Variants in TPM3 observed in about 807,000 individuals in gnomAD.
The protein encoded by TPM3 is tropomyosin alpha-3 chain.
A neutral mutation model predicts 43.1 loss-of-function variants in TPM3; 16 were observed. The observed-to-expected ratio is 0.37, with a 90% CI of 0.25 to 0.56. The LOEUF is 0.56. Ranked by LOEUF, TPM3 falls within the 20% of genes least tolerant of loss-of-function variation. The pLI is 0.77. For synonymous variants in TPM3, 101 were observed against 116.9 expected, an observed-to-expected ratio of 0.86 and a Z score of 0.88; for missense variants, 176 against 337.2, an observed-to-expected ratio of 0.52 and a Z score of 3.74.
chr1:154,191,644 T>A lies in TPM3; in HGVS notation c.117+258A>T, dbSNP rs999507081. On this transcript the variant is annotated intron_variant, in intron 1 of 9. Transcript: ENST00000651641. ...GAACTCTTACCTTTTCCTCTAGAAGTCAAGGGTTCTTCCAAAACATGGTCC... is the reference window on the plus strand; with the variant it reads ...GAACTCTTACCTTTTCCTCTAGAAGACAAGGGTTCTTCCAAAACATGGTCC... 5 of 1,422,378 alleles carry A rather than the reference T, an allele frequency of 3.5e-6. No individual in the cohort carries two copies. In the Admixed American group the frequency reaches 1.4e-4, roughly 40 times the overall value. The allele number at this position is 1,422,378 out of a possible 1,614,324, so 88.1% of individuals were successfully genotyped here.
chr1:154,176,257 G>C lies in TPM3; in HGVS notation c.244-9C>G. 2.5e-6 allele frequency: 4 copies of C among 1,614,054 alleles called. No homozygotes were observed. Among genetic ancestry groups the C allele is most frequent in the Non-Finnish European group, 3.4e-6 (4 of 1,179,978 alleles). ...GCCACCTCAGCCTCAGCCTGCATTT[G>C]AAGGAAAGAATGGACAAGGGAAGCA... On this transcript the variant is annotated splice_polypyrimidine_tract_variant and intron_variant, in intron 2 of 9. Coordinates refer to ENST00000651641, the MANE Select transcript of TPM3 (RefSeq NM_152263.4).
chr1:154,192,023 A>G lies in TPM3; in HGVS notation c.-5T>C. ...TTTCTTGATGGCCTCCATCATGAGC[A>G]GTGGCTGTTGGTAGGCTCACCTGTG... On this transcript the variant is annotated 5_prime_UTR_variant, in exon 1 of 10. Coordinates refer to ENST00000651641, the MANE Select transcript of TPM3 (RefSeq NM_152263.4). 1 of 1,612,186 alleles carries G rather than the reference A, an allele frequency of 6.2e-7. No homozygotes were observed. The highest frequency in any genetic ancestry group is 8.5e-7 in the Non-Finnish European group (1 of 1,178,804).
chr1:154,191,836 GA>G, intron 1 of TPM3, 65 bp downstream of exon 1: 1 of 1,592,560 alleles, frequency 6.3e-7, no homozygotes, highest in Non-Finnish European at 8.6e-7. Flanking sequence ...TCTTTCCCAT[GA>G]AAACTCCCTT....
At chr1:154,191,077 A>T in intron 2 of TPM3, 109 bp downstream of exon 2, 1 of 1,543,892 alleles carries the variant, frequency 6.5e-7, no homozygotes. Flanking sequence ...ATGTGAGTAT[A>T]TATGTCTGTG....
downstream of TPM3, chr1:154,155,463 G>A (rs180733766): frequency 1.6e-5 from 4 of 243,048 alleles, no homozygotes; most frequent in African/African-American, 8.8e-5. Context: ...TGCAGTCTCT[G>A]GGATAAACAG....
downstream of TPM3, chr1:154,157,830 GC>G (rs1413952922): frequency 4.0e-6 from 3 of 757,062 alleles, no homozygotes; most frequent in African/African-American, 5.1e-5. Flanking sequence ...TGATAAAGCA[GC>G]TGCCTTCTCA....
chr1:154,169,384 C>G lies in TPM3; in HGVS notation c.776-1G>C, dbSNP rs1661334198. ...TTCAGTTTCTGGGCATAGAGCTCAT[C>G]TGGACAGGCACAGGAACCACAGGGA... On this transcript the variant is annotated splice_acceptor_variant, in intron 8 of 9. Coordinates refer to ENST00000651641, the MANE Select transcript of TPM3 (RefSeq NM_152263.4). LOFTEE classifies it high-confidence loss of function. The G allele has an allele frequency of 6.2e-7, 1 of 1,614,100 alleles. No homozygotes were observed. Among genetic ancestry groups the G allele is most frequent in the Admixed American group, 1.7e-5 (1 of 60,012 alleles).
intron 2 of TPM3, among the ~76,000 whole-genome samples, chr1:154,190,513 C>T (rs1558067963): frequency 6.6e-6 from 1 of 152,186 alleles, no homozygotes; most frequent in Non-Finnish European, 1.5e-5. Flanking sequence ...CAGCCCTAGA[C>T]AAGCTGAGTA....
Position 154,192,026 on chromosome 1 carries a change from G to A in TPM3, c.-8C>T. On this transcript the variant is annotated 5_prime_UTR_variant, in exon 1 of 10. Coordinates refer to ENST00000651641, the MANE Select transcript of TPM3 (RefSeq NM_152263.4). ...CTTGATGGCCTCCATCATGAGCAGTGGCTGTTGGTAGGCTCACCTGTGAAC... is the reference window on the plus strand; with the variant it reads ...CTTGATGGCCTCCATCATGAGCAGTAGCTGTTGGTAGGCTCACCTGTGAAC... The A allele has an allele frequency of 6.2e-7, 1 of 1,610,418 alleles. No homozygotes were observed. Among genetic ancestry groups the A allele is most frequent in the South Asian group, 1.1e-5 (1 of 91,024 alleles).
chr1:154,183,683 C>G (rs969490866), intron 2 of TPM3: 1 of 176,306 alleles, frequency 5.7e-6, no homozygotes, highest in African/African-American at 2.4e-5. Context: ...AAAAGAGCCC[C>G]ACTCAGTCTC....
At chr1:154,191,444 C>T (rs1173127080) in intron 1 of TPM3, 133 bp from the exon 2 acceptor site, 3 of 1,491,160 alleles carry the variant, frequency 2.0e-6, no homozygotes, top group Non-Finnish European at 2.7e-6. Flanking sequence ...TCCCCAGCCA[C>T]TTCCAGCCCA....
chr1:154,176,054 A>T, intron 3 of TPM3, 61 bp downstream of exon 3: 1 of 1,610,322 alleles, frequency 6.2e-7, no homozygotes, highest in Non-Finnish European at 8.5e-7. Flanking sequence ...CTATAAGGAA[A>T]TCTTGATCAG....
At chr1:154,161,091 C>T (rs548498806), downstream of TPM3, among the ~76,000 whole-genome samples, 3 of 127,966 alleles carry the variant, frequency 2.3e-5, no homozygotes, top group East Asian at 2.3e-4. Flanking sequence ...TTCTGATTTT[C>T]GAATTTGGGA....
chr1:154,176,945 C>A (rs1156547634), intron 2 of TPM3, among the ~76,000 whole-genome samples: 1 of 148,432 alleles, frequency 6.7e-6, no homozygotes, highest in Non-Finnish European at 1.5e-5. Context: ...CGCCACTACA[C>A]TCCAGCCTGG....
rs577222575 is a variant in TPM3 at position 154,177,187 on chromosome 1, G to A, written c.244-939C>T. Reference sequence around the variant, plus strand: ...CACCAGCCCTTCAACTTGTGCCCCCGTACTCCTTTTTTAAGTTGGCTACAA... The same window carrying A: ...CACCAGCCCTTCAACTTGTGCCCCCATACTCCTTTTTTAAGTTGGCTACAA... On this transcript the variant is annotated intron_variant, in intron 2 of 9. Coordinates refer to ENST00000651641, the MANE Select transcript of TPM3 (RefSeq NM_152263.4). 9.9e-4 allele frequency among the ~76,000 whole-genome samples: 151 copies of A among 152,078 alleles called. 1 individual carries two copies. The highest frequency in any genetic ancestry group is 3.3e-3 in the African/African-American group (136 of 41,480).
At chr1:154,173,391 A>T (rs1291875772) in intron 3 of TPM3, among the ~76,000 whole-genome samples, 190 bp from the exon 4 acceptor site, 2 of 152,214 alleles carry the variant, frequency 1.3e-5, no homozygotes, top group African/African-American at 4.8e-5. Context: ...ATGGCTGGGC[A>T]CAGTGGCTCA....
At chr1:154,170,034 G>C (rs889323566) in intron 8 of TPM3, 4 of 289,272 alleles carry the variant, frequency 1.4e-5, no homozygotes, top group African/African-American at 6.6e-5. Flanking sequence ...AAGAACTGTG[G>C]AAAGTAGCCA....
rs150160017 is a variant in TPM3 at position 154,180,808 on chromosome 1, C to G, written c.244-4560G>C. ...AGTGTGGTGGTGGATGCCTGTAATC[C>G]CAGCCACTCAGGAGGCTAAGGCAGG... is the stretch of plus-strand genomic sequence containing the variant. On this transcript the variant is annotated intron_variant, in intron 2 of 9. Transcript: ENST00000651641. Among the ~76,000 whole-genome samples the G allele has an allele frequency of 5.2e-3, 785 of 151,680 alleles. 4 individuals carry two copies. Among genetic ancestry groups the G allele is most frequent in the Non-Finnish European group, 7.6e-3 (516 of 67,864 alleles).
chr1:154,186,169 ACT>A (rs1663404738), intron 2 of TPM3, among the ~76,000 whole-genome samples: 1 of 151,432 alleles, frequency 6.6e-6, no homozygotes, highest in Non-Finnish European at 1.5e-5. Flanking sequence ...CTCTTAATAG[ACT>A]CTACCCTGAT....
Sources: gnomAD v4.1 joint callset for allele counts (sites outside exome capture counted in the v4.1 genomes callset) on GRCh38, gnomAD v4.1.1 for gene constraint, MANE v1.5 for transcripts, NCBI Gene and HGNC (gene_info 2026-07-23, HGNC 2026-07-21) for gene names.